Variants in TMEM184A observed in about 807,000 individuals in gnomAD.
TMEM184A encodes transmembrane protein 184A.
In TMEM184A, 40 loss-of-function variants were observed where a neutral mutation model predicts 39.5. That is an observed-to-expected ratio of 1.01 (90% CI 0.79 to 1.32). The LOEUF is 1.32. Ranked by LOEUF, TMEM184A falls within the 40% of genes most tolerant of loss-of-function variation. The pLI, the probability that TMEM184A is intolerant of heterozygous loss-of-function variation, is 0.00. For missense variants in TMEM184A, 603 were observed against 568.8 expected, an observed-to-expected ratio of 1.06 and a Z score of -0.61; for synonymous variants, 280 against 252.3, an observed-to-expected ratio of 1.11 and a Z score of -1.04.
chr7:1,554,783 A>G (rs1778484056), intron 2 of TMEM184A, among the ~76,000 whole-genome samples: 1 of 152,144 alleles, frequency 6.6e-6, no homozygotes, highest in South Asian at 2.1e-4. Flanking sequence ...TCTCCTGCAC[A>G]GGAGTCCCGG....
In TMEM184A at chr7:1,547,957, G is replaced by A. The variant is rs375586329; in HGVS notation, c.815-18C>T. The A allele has an allele frequency of 1.5e-5, 23 of 1,551,040 alleles. No individual in the cohort carries two copies. The highest frequency in any genetic ancestry group is 3.5e-5 in the South Asian group (3 of 84,662). On this transcript the variant is annotated intron_variant, in intron 7 of 8. Transcript: ENST00000297477. ...CAGCAGCCCTGCGGACGCCACGGCCGCTCAGCCCCAGCCCCAGACGGGGTC... is the reference window on the plus strand; with the variant it reads ...CAGCAGCCCTGCGGACGCCACGGCCACTCAGCCCCAGCCCCAGACGGGGTC...
rs1478896762 is a variant in TMEM184A at position 1,555,911 on chromosome 7, C to T, written c.-1+203G>A. 3.9e-6 allele frequency: 1 copy of T among 255,246 alleles called. No individual in the cohort carries two copies. The highest frequency in any genetic ancestry group is 7.6e-6 in the Non-Finnish European group (1 of 131,670). The allele number at this position is 255,246 out of a possible 1,614,324, so 15.8% of individuals were successfully genotyped here. ...GCAGGAGGGGGTGTGCAGCCACCCT[C>T]ATGGGAGGAGCCGGCCCTCACTGGC... is the stretch of plus-strand genomic sequence containing the variant. On this transcript the variant is annotated intron_variant, in intron 1 of 8. Transcript: ENST00000297477. The surrounding 1 kb of genome is among the most constrained non-coding windows in gnomAD (Gnocchi z 5.2).
In TMEM184A at chr7:1,548,596, CTGG is replaced by C; in HGVS notation, c.734_736del (p.Thr245del). On this transcript the variant is annotated inframe_deletion, in exon 7 of 9. Transcript: ENST00000297477. Reference sequence around the variant, plus strand: ...GGGCTGGAAGGGCCGCAGGAGCTCCCTGGTGGTGAAGTAGAAGAGGAACAGGGC... The same window carrying C: ...GGGCTGGAAGGGCCGCAGGAGCTCCCTGGTGAAGTAGAAGAGGAACAGGGC... The C allele has an allele frequency of 6.2e-7, 1 of 1,613,896 alleles. No homozygotes were observed.
chr7:1,552,735 T>C (rs1784650718), intron 2 of TMEM184A, among the ~76,000 whole-genome samples: 2 of 152,086 alleles, frequency 1.3e-5, no homozygotes, highest in Admixed American at 6.6e-5. Flanking sequence ...CCAAAGGATG[T>C]GCACCCTTTG....
intron 8 of TMEM184A, 53 bp from the exon 9 acceptor site, chr7:1,547,234 C>G (rs866800414): frequency 2.9e-5 from 30 of 1,035,588 alleles, no homozygotes; most frequent in Non-Finnish European, 4.1e-5. Flanking sequence ...TCCAGCTCCC[C>G]GGACAAGTCC....
Position 1,555,278 on chromosome 7 carries a change from G to T in TMEM184A, c.207C>A (p.Leu69=). Residue 69 remains leucine (L), a synonymous_variant, in exon 2 of 9, where the codon CTC becomes CTA. Coordinates refer to ENST00000297477, the MANE Select transcript of TMEM184A (RefSeq NM_001097620.2). The surrounding 1 kb of genome is among the most constrained non-coding windows in gnomAD (Gnocchi z 5.2). ...SGIFVWTALV[L]TCHQIYLHLR... Reference sequence around the variant, plus strand: ...CGGAAGGGCTTACCTGGTGGCAGGTGAGCACCAGGGCAGTCCACACGAAGA... The same window carrying T: ...CGGAAGGGCTTACCTGGTGGCAGGTTAGCACCAGGGCAGTCCACACGAAGA... The T allele has an allele frequency of 1.2e-6, 2 of 1,604,698 alleles. No individual in the cohort carries two copies. The highest frequency in any genetic ancestry group is 1.1e-5 in the South Asian group (1 of 90,418).
chr7:1,546,111 C>G lies in TMEM184A; in HGVS notation c.*841G>C, dbSNP rs1386723986. On this transcript the variant is annotated 3_prime_UTR_variant, in exon 9 of 9. Transcript: ENST00000297477. ...TGCCCTGGACCACGAGGCTGCCCAC[C>G]CCAGACAGGTGGGACCCCTTTCCCG... 6.5e-6 allele frequency: 1 copy of G among 152,682 alleles called. No individual in the cohort carries two copies. Among genetic ancestry groups the G allele is most frequent in the Non-Finnish European group, 1.5e-5 (1 of 68,248 alleles). The allele number at this position is 152,682 out of a possible 1,614,324, so 9.5% of individuals were successfully genotyped here. A position where few individuals can be genotyped will look rare whatever the true frequency, so the allele number is the denominator to read the frequency against.
Position 1,555,378 on chromosome 7 carries a change from T to G in TMEM184A, c.107A>C (p.Asp36Ala), listed in dbSNP as rs1254706019. The G allele has an allele frequency of 8.7e-6, 14 of 1,610,992 alleles. No homozygotes were observed. The highest frequency in any genetic ancestry group is 9.3e-6 in the Non-Finnish European group (11 of 1,179,356). Residue 36 changes from aspartate to alanine, a missense_variant, in exon 2 of 9, where the codon GAC (aspartate) becomes GCC (alanine). Physicochemically the swap from Asp to Ala is moderately radical, Grantham distance 126. Coordinates refer to ENST00000297477, the MANE Select transcript of TMEM184A (RefSeq NM_001097620.2). The surrounding 1 kb of genome is among the most constrained non-coding windows in gnomAD (Gnocchi z 5.2). ...CCCCTGGGAGCTGTTCCCCATGTGG[T>G]CCATCTGCGGCCCAGCTGGCACAGC... is the stretch of plus-strand genomic sequence containing the variant. Reference protein sequence around the residue: ...PPAVPAGPQMDHMGNSSQGAP... With the variant: ...PPAVPAGPQMAHMGNSSQGAP...
chr7:1,548,150 G>A (rs892038393), intron 7 of TMEM184A, among the ~76,000 whole-genome samples: 1 of 152,060 alleles, frequency 6.6e-6, no homozygotes, highest in Non-Finnish European at 1.5e-5. Flanking sequence ...TCCCGGGCCC[G>A]CCCTGCCACT....
chr7:1,550,276 G>A, intron 4 of TMEM184A, 29 bp downstream of exon 4: 1 of 1,610,956 alleles, frequency 6.2e-7, no homozygotes, highest in Non-Finnish European at 8.5e-7. Context: ...GGTGTGTGGG[G>A]TGTGGGGGCT....
chr7:1,550,768 G>A (rs370155302), intron 3 of TMEM184A, 49 bp downstream of exon 3: 18 of 1,600,474 alleles, frequency 1.1e-5, no homozygotes, highest in African/African-American at 5.4e-5. Context: ...CGCAGGCCCC[G>A]GGGAGTCTCT....
chr7:1,555,605 C>G lies in TMEM184A; in HGVS notation c.1-121G>C. 1 of 745,250 alleles carries G rather than the reference C, an allele frequency of 1.3e-6. No individual in the cohort carries two copies. The highest frequency in any genetic ancestry group is 1.5e-5 in the South Asian group (1 of 67,818). The allele number at this position is 745,250 out of a possible 1,614,324, so 46.2% of individuals were successfully genotyped here. On this transcript the variant is annotated intron_variant, in intron 1 of 8. Coordinates refer to ENST00000297477, the MANE Select transcript of TMEM184A (RefSeq NM_001097620.2). This position sits in a 1 kb window ranked among gnomAD's most constrained non-coding sequence, Gnocchi z 5.2. ...ACGGGAGCTGAGGCTGAGCCACCCA[C>G]CAGGCCGCACCCCCCACACGGACAC... is the stretch of plus-strand genomic sequence containing the variant.
rs188045799 is a variant in TMEM184A, at chr7:1,551,792, C to G, written c.220-810G>C. ...TCTCTACTAAATACACAAAAATTAG[C>G]CAGGCATGGTGGCGCGCGCCTGTAA... On this transcript the variant is annotated intron_variant, in intron 2 of 8. Coordinates refer to ENST00000297477, the MANE Select transcript of TMEM184A (RefSeq NM_001097620.2). 5.0e-3 allele frequency among the ~76,000 whole-genome samples: 754 copies of G among 152,066 alleles called. 6 individuals carry two copies. Among genetic ancestry groups the G allele is most frequent in the African/African-American group, 0.017 (721 of 41,492 alleles).
chr7:1,550,136 C>A lies in TMEM184A; in HGVS notation c.539G>T (p.Arg180Leu). 2 of 1,605,260 alleles carry A rather than the reference C, an allele frequency of 1.2e-6. No homozygotes were observed. The highest frequency in any genetic ancestry group is 2.2e-5 in the East Asian group (1 of 44,516). The change falls in exon 5 of 9, where the codon CGC becomes CTC. Residue 180 changes from arginine to leucine, a missense_variant. Transcript: ENST00000297477. ...RGMTYSIGFL[R>L]FCKQATLQFC... Reference sequence around the variant, plus strand: ...GTGGCCCCTCACCTGCTTACAGAAGCGCAGGAACCCGATGGAGTAGGTCAT... The same window carrying A: ...GTGGCCCCTCACCTGCTTACAGAAGAGCAGGAACCCGATGGAGTAGGTCAT...
chr7:1,549,986 C>G (rs1270470402), intron 5 of TMEM184A, 41 bp from the exon 6 acceptor site: 1 of 1,607,816 alleles, frequency 6.2e-7, no homozygotes, highest in South Asian at 1.1e-5. Context: ...GCCAGGTCCC[C>G]CAGGGGCCCA....
chr7:1,552,941 G>C (rs1191906626), intron 2 of TMEM184A, among the ~76,000 whole-genome samples: 1 of 152,072 alleles, frequency 6.6e-6, no homozygotes, highest in Non-Finnish European at 1.5e-5. Context: ...TGCAGTCCCA[G>C]CTACTCGGGA....
intron 2 of TMEM184A, among the ~76,000 whole-genome samples, 192 bp from the exon 3 acceptor site, chr7:1,551,174 CCGGGCCCGCCCTGGGCG>C (rs1784579131): frequency 2.3e-5 from 1 of 44,064 alleles, no homozygotes; most frequent in Non-Finnish European, 4.6e-5. Context: ...CGCGTGAGAG[CCGGGCCCGCCCTGGGCG>C]CAGGAGGGTT....
At position 1,549,843 on chromosome 7, in the gene TMEM184A, T is replaced by C; in HGVS notation, c.644+11A>G. 1 of 1,590,704 alleles carries C rather than the reference T, an allele frequency of 6.3e-7. No individual in the cohort carries two copies. The highest frequency in any genetic ancestry group is 8.6e-7 in the Non-Finnish European group (1 of 1,167,084). ...ACCTCATGCCAGGTGTCCCCGCAGC[T>C]CCCGCCTTACTTGAAGTCCCCGTCG... On this transcript the variant is annotated intron_variant, in intron 6 of 8. Coordinates refer to ENST00000297477, the MANE Select transcript of TMEM184A (RefSeq NM_001097620.2).
chr7:1,548,672 G>C lies in TMEM184A; in HGVS notation c.661C>G (p.Leu221Val), dbSNP rs1784447381. ...DGDFNVRSGYLYVTLIYNASV... is the reference protein window; with the variant it reads ...DGDFNVRSGYVYVTLIYNASV... ...GCGTTGTAGATGAGGGTCACATAGAGGTAGCCGCTGCGGACACTAGGACAG... is the reference window on the plus strand; with the variant it reads ...GCGTTGTAGATGAGGGTCACATAGACGTAGCCGCTGCGGACACTAGGACAG... The change falls in exon 7 of 9, where the codon CTC (leucine) becomes GTC (valine). Residue 221 changes from leucine (L) to valine (V), a missense_variant. Leu to Val is a conservative substitution (Grantham distance 32). Coordinates refer to ENST00000297477, the MANE Select transcript of TMEM184A (RefSeq NM_001097620.2). 1 of 1,613,716 alleles carries C rather than the reference G, an allele frequency of 6.2e-7. No homozygotes were observed. The highest frequency in any genetic ancestry group is 8.5e-7 in the Non-Finnish European group (1 of 1,179,960).
Sources: allele counts gnomAD v4.1 joint callset (sites outside exome capture counted in the v4.1 genomes callset), GRCh38; gene constraint gnomAD v4.1.1; non-coding constraint Gnocchi (gnomAD v3.1); transcripts MANE v1.5; gene names NCBI Gene and HGNC (gene_info 2026-07-23, HGNC 2026-07-21).